COL21A1: variants seen among roughly 807,000 people sequenced by gnomAD.
The protein encoded by COL21A1 is collagen type XXI alpha 1 chain.
Under a neutral mutation model 137.9 loss-of-function variants are expected in COL21A1, and 149 were observed. That is an observed-to-expected ratio of 1.08 (90% CI 0.95 to 1.24). The LOEUF is 1.24. Among genes scored for constraint, COL21A1 ranks in the 50% most tolerant of loss-of-function variants. The pLI is 0.00. For missense variants in COL21A1, 1,167 were observed against 1,158.4 expected, an observed-to-expected ratio of 1.01 and a Z score of -0.11; for synonymous variants, 456 against 391.5, an observed-to-expected ratio of 1.16 and a Z score of -1.95.
intron 29 of COL21A1, among the ~76,000 whole-genome samples, chr6:56,058,842 A>T (rs1362321358): frequency 6.6e-6 from 1 of 152,176 alleles, no homozygotes; most frequent in Non-Finnish European, 1.5e-5. Context: ...CCGCTTCAGC[A>T]TTTCTCTGCT....
chr6:56,304,391 T>C (rs1264786067), intron 1 of COL21A1, among the ~76,000 whole-genome samples: 1 of 152,186 alleles, frequency 6.6e-6, no homozygotes, highest in East Asian at 1.9e-4. Flanking sequence ...AAGCTATTAA[T>C]TATTGCCTCA....
intron 1 of COL21A1, among the ~76,000 whole-genome samples, chr6:56,316,466 T>A (rs1296269550): frequency 1.4e-5 from 2 of 140,016 alleles, no homozygotes; most frequent in Non-Finnish European, 3.1e-5. Flanking sequence ...CCTTTTAAAA[T>A]TCTAAATAGA....
At chr6:56,139,063 G>A (rs929079636) in intron 12 of COL21A1, among the ~76,000 whole-genome samples, 2 of 152,066 alleles carry the variant, frequency 1.3e-5, no homozygotes, top group Non-Finnish European at 2.9e-5. Context: ...GTACATATAC[G>A]GGTAGGAGGG....
At chr6:56,125,311 G>A (rs778464559) in intron 14 of COL21A1, 7 of 251,974 alleles carry the variant, frequency 2.8e-5, no homozygotes, top group African/African-American at 6.7e-5. Flanking sequence ...GAGCCACCGC[G>A]CCCGGCCTGT....
intron 10 of COL21A1, among the ~76,000 whole-genome samples, chr6:56,155,918 G>A (rs999436675): frequency 2.0e-5 from 3 of 152,114 alleles, no homozygotes; most frequent in Non-Finnish European, 2.9e-5. Flanking sequence ...CTAATTCTTC[G>A]TGTTTACTCT....
chr6:56,092,040 A>G (rs1018106915), intron 17 of COL21A1, among the ~76,000 whole-genome samples: 1 of 152,164 alleles, frequency 6.6e-6, no homozygotes, highest in Non-Finnish European at 1.5e-5. Context: ...CTTTGAAGCA[A>G]TCTTGTCCTT....
At chr6:56,143,686 T>A (rs752711659) in intron 10 of COL21A1, among the ~76,000 whole-genome samples, 1 of 152,170 alleles carries the variant, frequency 6.6e-6, no homozygotes, top group Non-Finnish European at 1.5e-5. Flanking sequence ...AACCTCTCCA[T>A]ACTCCAGACA....
chr6:56,158,431 C>G lies in COL21A1; in HGVS notation c.1372-1482G>C, dbSNP rs201066824. Among the ~76,000 whole-genome samples the G allele has an allele frequency of 4.0e-5, 6 of 151,616 alleles. No individual in the cohort carries two copies. The East Asian group carries it at 9.7e-4, about 25-fold the overall frequency. On this transcript the variant is annotated intron_variant, in intron 9 of 29. Transcript: ENST00000244728. ...GGGGTTACAGGTACAAGCCATCATGCCCAGCTAATTTTCATATTTTTTGTA... is the reference window on the plus strand; with the variant it reads ...GGGGTTACAGGTACAAGCCATCATGGCCAGCTAATTTTCATATTTTTTGTA...
At chr6:56,344,078 C>A (rs1239394881) in intron 1 of COL21A1, among the ~76,000 whole-genome samples, 2 of 152,160 alleles carry the variant, frequency 1.3e-5, no homozygotes, top group African/African-American at 4.8e-5. Context: ...AATTTTTCTA[C>A]ATTTTATTTT....
At position 56,283,342 on chromosome 6, in the gene COL21A1, C is replaced by T. The variant is rs545880979; in HGVS notation, c.-38-100686G>A. Among the ~76,000 whole-genome samples the T allele has an allele frequency of 2.7e-4, 41 of 151,390 alleles. 1 individual carries two copies. In the South Asian group the frequency reaches 8.6e-3, roughly 32 times the overall value. On this transcript the variant is annotated intron_variant, in intron 1 of 28. Coordinates refer to the COL21A1 transcript ENST00000370819. ...AATGGTTTTTTGACAAATATTTAAC[C>T]ATGTAGAAAAAAAATCTCATCATAA...
At chr6:56,086,174 A>G (rs950491283) in intron 17 of COL21A1, among the ~76,000 whole-genome samples, 2 of 151,998 alleles carry the variant, frequency 1.3e-5, no homozygotes, top group Admixed American at 1.3e-4. Flanking sequence ...CCAAGCTATA[A>G]CCTTTGAACA....
intron 1 of COL21A1, among the ~76,000 whole-genome samples, chr6:56,329,452 T>C (rs767980330): frequency 1.3e-5 from 2 of 152,080 alleles, no homozygotes; most frequent in African/African-American, 4.8e-5. Flanking sequence ...TATAACCACA[T>C]TGGACCATTT....
intron 1 of COL21A1, among the ~76,000 whole-genome samples, chr6:56,185,660 C>G (rs1045393051): frequency 6.6e-6 from 1 of 151,846 alleles, no homozygotes; most frequent in Non-Finnish European, 1.5e-5. Context: ...TGGTCTCGAT[C>G]TCCTGACCTC....
intron 10 of COL21A1, among the ~76,000 whole-genome samples, chr6:56,144,548 C>T (rs1221173676): frequency 6.6e-6 from 1 of 152,142 alleles, no homozygotes; most frequent in Non-Finnish European, 1.5e-5. Context: ...AAAAGTTAAG[C>T]CAAATGTCAT....
chr6:56,316,553 C>T (rs1458031989), intron 1 of COL21A1, among the ~76,000 whole-genome samples: 1 of 119,924 alleles, frequency 8.3e-6, no homozygotes, highest in Non-Finnish European at 1.6e-5. Flanking sequence ...GTGATCTTGG[C>T]TCACTGCAAC....
chr6:56,172,550 A>G (rs1226000879), intron 3 of COL21A1, among the ~76,000 whole-genome samples: 2 of 152,210 alleles, frequency 1.3e-5, no homozygotes, highest in Non-Finnish European at 2.9e-5. Flanking sequence ...AAGATCAAAC[A>G]GAAGTATACT....
chr6:56,127,412 T>C (rs1349489152), intron 12 of COL21A1, among the ~76,000 whole-genome samples: 1 of 152,202 alleles, frequency 6.6e-6, no homozygotes, highest in East Asian at 1.9e-4. Flanking sequence ...CTTCTGATTG[T>C]ATTCATTTGC....
chr6:56,275,534 C>T (rs931252864), intron 1 of COL21A1, among the ~76,000 whole-genome samples: 3 of 151,762 alleles, frequency 2.0e-5, no homozygotes, highest in Non-Finnish European at 4.4e-5. Context: ...ACAAATAATC[C>T]CGTTAAAAAT....
intron 16 of COL21A1, among the ~76,000 whole-genome samples, chr6:56,114,296 C>A (rs538325993): frequency 9.4e-4 from 143 of 152,284 alleles, no homozygotes; most frequent in Non-Finnish European, 1.8e-3. Flanking sequence ...TGACCCAGAG[C>A]ATAGTGGTGG....
Sources: allele counts gnomAD v4.1 joint callset (sites outside exome capture counted in the v4.1 genomes callset), GRCh38; gene constraint gnomAD v4.1.1; transcripts MANE v1.5; gene names NCBI Gene and HGNC (gene_info 2026-07-23, HGNC 2026-07-21).